The following ARHGAP44 variants were observed in gnomAD, a reference collection of about 807,000 sequenced individuals.
ARHGAP44 encodes the protein Rho GTPase activating protein 44, also known as rho GTPase-activating protein 44.
Under a neutral mutation model 106.8 loss-of-function variants are expected in ARHGAP44, and 43 were observed. That is an observed-to-expected ratio of 0.40 (90% CI 0.32 to 0.52). ARHGAP44 has a LOEUF of 0.52. ARHGAP44 is among the 20% of genes least tolerant of loss of function. The pLI is 0.48. For missense variants in ARHGAP44, 866 were observed against 1,050.5 expected (o/e 0.82, Z 2.43); for synonymous variants, 439 against 410.3 (o/e 1.07, Z -0.85).
At chr17:12,792,098 C>G (rs911238972) in intron 1 of ARHGAP44, among the ~76,000 whole-genome samples, 9 of 152,188 alleles carry the variant, frequency 5.9e-5, no homozygotes, top group African/African-American at 2.2e-4. Flanking sequence ...GCCGTGTGGC[C>G]TTTCTTGCCC....
At chr17:12,805,153 G>A (rs537841454) in intron 1 of ARHGAP44, among the ~76,000 whole-genome samples, 13 of 152,270 alleles carry the variant, frequency 8.5e-5, no homozygotes, top group Admixed American at 4.6e-4. Flanking sequence ...ACCTGAAGGG[G>A]GAAGCACTGT....
intron 1 of ARHGAP44, among the ~76,000 whole-genome samples, chr17:12,882,544 C>T (rs1432588626): frequency 2.0e-5 from 3 of 152,020 alleles, no homozygotes; most frequent in Non-Finnish European, 4.4e-5. Context: ...TATTTTCACC[C>T]TCTCCCCAAG....
intron 1 of ARHGAP44, among the ~76,000 whole-genome samples, chr17:12,890,408 C>T (rs2037007910): frequency 6.6e-6 from 1 of 152,156 alleles, no homozygotes; most frequent in Admixed American, 6.5e-5. Flanking sequence ...CACTTATGCC[C>T]TCTGGAGAGC....
In ARHGAP44 at chr17:12,923,938, C is replaced by T. The variant is rs560467272; in HGVS notation, c.464+4107C>T. On this transcript the variant is annotated intron_variant, in intron 6 of 20. Coordinates refer to ENST00000379672, the MANE Select transcript of ARHGAP44 (RefSeq NM_014859.6). ...CTGGAACAGCTGGGTTCTGAATGCT[C>T]CCCCCCTACCCCCTGCATTTCTCCA... Among the ~76,000 whole-genome samples, 13 of 151,738 alleles carry T rather than the reference C, an allele frequency of 8.6e-5. No homozygotes were observed. In the South Asian group the frequency reaches 2.5e-3, roughly 29 times the overall value.
chr17:12,835,861 C>T (rs1342589738), intron 1 of ARHGAP44, among the ~76,000 whole-genome samples: 1 of 152,178 alleles, frequency 6.6e-6, no homozygotes, highest in Non-Finnish European at 1.5e-5. Flanking sequence ...AATTTGACTA[C>T]TTTAGTTACC....
chr17:12,987,208 C>T (rs532959443), intron 20 of ARHGAP44: 23 of 1,435,092 alleles, frequency 1.6e-5, no homozygotes, highest in Admixed American at 8.9e-5. Flanking sequence ...GCCAGCTGCC[C>T]GCTCCTCCCC....
In ARHGAP44 at chr17:12,958,629, G is replaced by A; in HGVS notation, c.1343-88G>A. 1.6e-6 allele frequency: 2 copies of A among 1,259,480 alleles called. No homozygotes were observed. The highest frequency in any genetic ancestry group is 2.4e-5 in the East Asian group (1 of 41,476). 78.0% of individuals were successfully genotyped at this position (1,259,480 alleles called of 1,614,324 possible). ...AATTTTCTAGGGATGACATACGAGG[G>A]AGTGGGTGTCTGGACTCATTCCTCC... On this transcript the variant is annotated intron_variant, in intron 15 of 20. Transcript: ENST00000379672. This position sits in a 1 kb window ranked among gnomAD's most constrained non-coding sequence, Gnocchi z 4.1.
At chr17:12,791,588 ATTC>A (rs905761225) in intron 1 of ARHGAP44, among the ~76,000 whole-genome samples, 13 of 152,112 alleles carry the variant, frequency 8.5e-5, no homozygotes, top group East Asian at 3.9e-4. Context: ...CTGAAACACA[ATTC>A]TTCTTTTTTT....
chr17:12,987,686 G>C, intron 20 of ARHGAP44: 1 of 152,326 alleles, frequency 6.6e-6, no homozygotes, highest in Non-Finnish European at 1.5e-5. Flanking sequence ...TCCAGACTTA[G>C]ATCCTAACGT....
chr17:12,900,820 C>T (rs985771681), intron 3 of ARHGAP44, among the ~76,000 whole-genome samples: 1 of 150,768 alleles, frequency 6.6e-6, no homozygotes, highest in African/African-American at 2.4e-5. Flanking sequence ...CCGTTAAGGA[C>T]AGGTGAAAGG....
chr17:12,828,338 G>A (rs2034983545), intron 1 of ARHGAP44, among the ~76,000 whole-genome samples: 1 of 152,040 alleles, frequency 6.6e-6, no homozygotes, highest in Non-Finnish European at 1.5e-5. Context: ...TTGGGTTCAT[G>A]TAGAGATACT....
At position 12,908,934 on chromosome 17, in the gene ARHGAP44, T is replaced by G. The variant is rs1162781127; in HGVS notation, c.236T>G (p.Met79Arg). ...TTGACAACACTGGCTCAGTGTCTGA[T>G]GGAGGGGTCAGCTATCCTGGGAGAT... is the stretch of plus-strand genomic sequence containing the variant. ...LPLTTLAQCL[M>R]EGSAILGDDT... The change falls in exon 4 of 21, where the codon ATG (methionine) becomes AGG (arginine). Residue 79 changes from methionine (M) to arginine (R), a missense_variant. Transcript: ENST00000379672. 4 of 1,604,086 alleles carry G rather than the reference T, an allele frequency of 2.5e-6. No individual in the cohort carries two copies. Among genetic ancestry groups the G allele is most frequent in the Admixed American group, 1.8e-5 (1 of 56,832 alleles).
chr17:12,835,300 T>A (rs1714950382), intron 1 of ARHGAP44, among the ~76,000 whole-genome samples: 1 of 152,142 alleles, frequency 6.6e-6, no homozygotes, highest in Non-Finnish European at 1.5e-5. Context: ...AAGAAAAACG[T>A]GTGCACAGAT....
At chr17:12,943,379 C>T (rs184033780) in intron 8 of ARHGAP44, among the ~76,000 whole-genome samples, 1 of 152,324 alleles carries the variant, frequency 6.6e-6, no homozygotes, top group East Asian at 1.9e-4. Flanking sequence ...GTCTGGTTCT[C>T]CTGCTTCCCA....
At chr17:12,893,873 C>T (rs758479480) in intron 1 of ARHGAP44, among the ~76,000 whole-genome samples, 4 of 152,154 alleles carry the variant, frequency 2.6e-5, no homozygotes, top group Non-Finnish European at 4.4e-5. Context: ...AGCTCCAAGT[C>T]TGAGAAATGT....
intron 6 of ARHGAP44, among the ~76,000 whole-genome samples, chr17:12,926,469 A>G (rs1202026832): frequency 3.7e-5 from 4 of 108,294 alleles, no homozygotes; most frequent in Non-Finnish European, 3.8e-5. Flanking sequence ...CATATATAAT[A>G]TATATAATAT....
chr17:12,887,578 T>C (rs1248658374), intron 1 of ARHGAP44, among the ~76,000 whole-genome samples: 1 of 152,192 alleles, frequency 6.6e-6, no homozygotes, highest in Admixed American at 6.5e-5. Context: ...TACACCCATA[T>C]TCATAGAGGA....
intron 1 of ARHGAP44, among the ~76,000 whole-genome samples, chr17:12,870,046 G>T (rs527763189): frequency 2.7e-4 from 16 of 60,254 alleles, no homozygotes; most frequent in Non-Finnish European, 4.1e-4. Flanking sequence ...AACAAATACC[G>T]TCTTTTTTTT....
At chr17:12,849,120 A>G (rs73978245) in intron 1 of ARHGAP44, among the ~76,000 whole-genome samples, 3,058 of 152,080 alleles carry the variant, frequency 0.02, 114 homozygotes, top group African/African-American at 0.07. Flanking sequence ...TCAAATTTCT[A>G]GTCGCAGAGA....
Sources: allele counts gnomAD v4.1 joint callset (sites outside exome capture counted in the v4.1 genomes callset), GRCh38; gene constraint gnomAD v4.1.1; non-coding constraint Gnocchi (gnomAD v3.1); transcripts MANE v1.5; gene names NCBI Gene and HGNC (gene_info 2026-07-23, HGNC 2026-07-21).